The following DPP10 variants were observed in gnomAD, a reference collection of about 807,000 sequenced individuals.
DPP10 encodes the protein inactive dipeptidyl peptidase 10.
In DPP10, 33 loss-of-function variants were observed where a neutral mutation model predicts 120.9. The observed-to-expected ratio is 0.27, with a 90% CI of 0.21 to 0.37. DPP10 has a LOEUF of 0.37. DPP10 is among the 10% of genes least tolerant of loss of function. The pLI, the probability that DPP10 is intolerant of heterozygous loss-of-function variation, is 1.00. For synonymous variants in DPP10, 337 were observed against 326.1 expected (o/e 1.03, Z -0.36); for missense variants, 816 against 942.8 (o/e 0.87, Z 1.76).
At chr2:114,596,053 G>C (rs1467543828) in intron 1 of DPP10, among the ~76,000 whole-genome samples, 1 of 152,028 alleles carries the variant, frequency 6.6e-6, no homozygotes, top group African/African-American at 2.4e-5. Flanking sequence ...TCCACTACCA[G>C]CTCTTCAGAA....
At chr2:114,663,660 T>TAGAGAG (rs1485631969) in intron 1 of DPP10, among the ~76,000 whole-genome samples, 78 of 91,488 alleles carry the variant, frequency 8.5e-4, no homozygotes, top group Middle Eastern at 4.5e-3. Flanking sequence ...TATATATATA[T>TAGAGAG]ATATATATAG....
At chr2:114,736,476 C>T (rs191058387) in intron 1 of DPP10, among the ~76,000 whole-genome samples, 70 of 152,174 alleles carry the variant, frequency 4.6e-4, no homozygotes, top group African/African-American at 1.5e-3. Context: ...GTCAAGTAAA[C>T]ATATTTTAAT....
chr2:115,021,623 A>C (rs1703079803), intron 1 of DPP10, among the ~76,000 whole-genome samples: 1 of 152,136 alleles, frequency 6.6e-6, no homozygotes, highest in East Asian at 1.9e-4. Flanking sequence ...ACTATTCCAA[A>C]AGATAGAGAA....
intron 1 of DPP10, among the ~76,000 whole-genome samples, chr2:114,522,101 TC>T (rs1352189289): frequency 3.4e-4 from 50 of 147,048 alleles, no homozygotes; most frequent in Non-Finnish European, 7.2e-4. Flanking sequence ...TGCCTCAGCC[TC>T]CCAAGTAGCT....
At chr2:114,554,144 C>A (rs771287896) in intron 1 of DPP10, among the ~76,000 whole-genome samples, 23 of 152,204 alleles carry the variant, frequency 1.5e-4, no homozygotes, top group Non-Finnish European at 2.4e-4. Flanking sequence ...TGATCTATAT[C>A]TCTATTTCTT....
intron 1 of DPP10, among the ~76,000 whole-genome samples, chr2:114,488,763 A>T (rs1430116): frequency 0.26 from 38,917 of 152,122 alleles, 6,257 homozygotes; most frequent in Admixed American, 0.4. Context: ...CCTCTGCAAC[A>T]TCCTTTTAAT....
At chr2:115,681,766 CCTT>C (rs1477826159) in intron 5 of DPP10, among the ~76,000 whole-genome samples, 1 of 139,004 alleles carries the variant, frequency 7.2e-6, no homozygotes, top group Non-Finnish European at 1.6e-5. Flanking sequence ...TTCTCTTTCT[CCTT>C]CTCTCTCTTT....
intron 1 of DPP10, among the ~76,000 whole-genome samples, chr2:115,255,248 G>T (rs1308848650): frequency 3.3e-5 from 5 of 152,216 alleles, no homozygotes; most frequent in Non-Finnish European, 7.3e-5. Context: ...CTTGGAGCTT[G>T]CAGCCTCTGT....
chr2:115,221,398 G>C (rs182928532), intron 1 of DPP10, among the ~76,000 whole-genome samples: 37 of 152,220 alleles, frequency 2.4e-4, no homozygotes, highest in African/African-American at 7.9e-4. Context: ...CACTAAAGCA[G>C]GGTTCGGCAA....
chr2:115,494,091 G>A (rs146559257), intron 3 of DPP10, among the ~76,000 whole-genome samples: 3,346 of 152,136 alleles, frequency 0.022, 131 homozygotes, highest in African/African-American at 0.077. Context: ...TGGGACTACA[G>A]GTGTGCACCA....
At chr2:115,375,288 C>T (rs1413176329) in intron 3 of DPP10, among the ~76,000 whole-genome samples, 1 of 152,112 alleles carries the variant, frequency 6.6e-6, no homozygotes, top group Non-Finnish European at 1.5e-5. Flanking sequence ...TTCACAGATC[C>T]CTAGAGCATA....
At chr2:114,749,601 T>TTATTTTATTTTATTTTATTTTATTTTA (rs1679004250) in intron 1 of DPP10, among the ~76,000 whole-genome samples, 1 of 151,052 alleles carries the variant, frequency 6.6e-6, no homozygotes, top group Non-Finnish European at 1.5e-5. Flanking sequence ...TTATTTTATT[T>TTATTTTATTTTATTTTATTTTATTTTA]TTTGAGACAG....
chr2:115,269,079 A>G (rs2059583728), intron 1 of DPP10, among the ~76,000 whole-genome samples: 1 of 152,200 alleles, frequency 6.6e-6, no homozygotes, highest in Non-Finnish European at 1.5e-5. Flanking sequence ...CCCGGGAGGC[A>G]GAGTTTGCAG....
intron 5 of DPP10, among the ~76,000 whole-genome samples, chr2:115,568,928 A>C (rs1332898191): frequency 1.3e-5 from 2 of 152,100 alleles, no homozygotes; most frequent in Non-Finnish European, 2.9e-5. Flanking sequence ...ATCCTTTCTT[A>C]TTCTGTGTTT....
In DPP10 at chr2:115,777,286, A is replaced by G. The variant is rs148644253; in HGVS notation, c.1300A>G (p.Thr434Ala). 89 of 1,612,898 alleles carry G rather than the reference A, an allele frequency of 5.5e-5. No individual in the cohort carries two copies. The African/African-American group carries it at 1.1e-3, about 19-fold the overall frequency. ...EVIKILAYDETTQKIYFLSTE... is the reference protein window; with the variant it reads ...EVIKILAYDEATQKIYFLSTE... ...GATAAAGATCTTGGCATACGATGAA[A>G]CTACTCAAAAAATGTGAGTGTTTTC... The change falls in exon 14 of 26, where the codon ACT becomes GCT. Residue 434 changes from threonine to alanine, a missense_variant. Around this residue, in one of 3 missense-constraint regions of DPP10, gnomAD observed 592 missense variants for 649.0 expected, o/e 0.91. Transcript: ENST00000410059.
chr2:114,917,251 A>G (rs1694872679), intron 1 of DPP10, among the ~76,000 whole-genome samples: 1 of 152,224 alleles, frequency 6.6e-6, no homozygotes, highest in Admixed American at 6.5e-5. Flanking sequence ...ATGTAGGAAC[A>G]CAGCTAACCA....
intron 1 of DPP10, among the ~76,000 whole-genome samples, chr2:114,961,449 G>A (rs920394931): frequency 1.1e-4 from 5 of 47,154 alleles, no homozygotes; most frequent in South Asian, 7.3e-4. Flanking sequence ...GTTTGAATGC[G>A]TGTGTGTGTG....
At chr2:115,316,363 G>A (rs1462563314) in intron 2 of DPP10, among the ~76,000 whole-genome samples, 1 of 152,072 alleles carries the variant, frequency 6.6e-6, no homozygotes, top group African/African-American at 2.4e-5. Flanking sequence ...ATGGATGATA[G>A]GGGCAAAAAA....
rs551039652 is a variant in DPP10, at chr2:115,069,821, T to C, written c.61-239418T>C. On this transcript the variant is annotated intron_variant, in intron 1 of 25. Transcript: ENST00000410059. ...TTAATTTGGTGAGTGAGCATAATAA[T>C]CACAATAATCGAATAGGCTATTTTT... Among the ~76,000 whole-genome samples the C allele has an allele frequency of 3.3e-5, 5 of 151,852 alleles. No homozygotes were observed. The South Asian group carries it at 1.0e-3, about 32-fold the overall frequency.
Sources: allele counts gnomAD v4.1 joint callset (sites outside exome capture counted in the v4.1 genomes callset), GRCh38; gene constraint gnomAD v4.1.1; regional missense constraint gnomAD v4.1.1; transcripts MANE v1.5; gene names NCBI Gene and HGNC (gene_info 2026-07-23, HGNC 2026-07-21).